The following UNC5D variants were observed in gnomAD, a reference collection of about 807,000 sequenced individuals.
UNC5D encodes netrin receptor UNC5D.
UNC5D carries 39 observed loss-of-function variants against 105.4 expected under a neutral mutation model. The ratio of observed to expected loss-of-function variants is 0.37; its 90% CI spans 0.29 to 0.48. UNC5D has a LOEUF of 0.48. Among genes scored for constraint, UNC5D ranks in the 20% least tolerant of loss-of-function variants. The probability of loss-of-function intolerance (pLI) is 0.98; values close to 1 mark genes in which losing one functional copy is unlikely to be tolerated. For missense variants in UNC5D, 991 were observed against 1,202.4 expected (o/e 0.82, Z 2.60); for synonymous variants, 452 against 450.4 (o/e 1.00, Z -0.04).
At chr8:35,555,609 C>T (rs554114316) in intron 2 of UNC5D, among the ~76,000 whole-genome samples, 98 of 152,030 alleles carry the variant, frequency 6.4e-4, no homozygotes, top group African/African-American at 2.2e-3. Flanking sequence ...AGGCAGATCA[C>T]AAGGTCAAGA....
At chr8:35,263,542 A>C (rs1804630652) in intron 1 of UNC5D, among the ~76,000 whole-genome samples, 1 of 152,194 alleles carries the variant, frequency 6.6e-6, no homozygotes, top group Non-Finnish European at 1.5e-5. Flanking sequence ...CTACAGGCTC[A>C]TGCCACTGCA....
At chr8:35,286,030 C>T (rs1243479341) in intron 1 of UNC5D, among the ~76,000 whole-genome samples, 1 of 151,930 alleles carries the variant, frequency 6.6e-6, no homozygotes, top group African/African-American at 2.4e-5. Flanking sequence ...TTATGAGGCC[C>T]CAAAGTTTTA....
At chr8:35,464,809 A>G (rs1003165312) in intron 1 of UNC5D, among the ~76,000 whole-genome samples, 4 of 152,214 alleles carry the variant, frequency 2.6e-5, no homozygotes, top group African/African-American at 9.6e-5. Context: ...GTGTTCCCAC[A>G]CATAACAGCA....
intron 3 of UNC5D, among the ~76,000 whole-genome samples, chr8:35,585,269 C>G (rs1818710428): frequency 6.6e-6 from 1 of 152,296 alleles, no homozygotes; most frequent in Non-Finnish European, 1.5e-5. Flanking sequence ...GTCCTAGAAA[C>G]AGCCTTGAGG....
At chr8:35,390,002 G>A (rs751984488) in intron 1 of UNC5D, among the ~76,000 whole-genome samples, 8 of 152,306 alleles carry the variant, frequency 5.3e-5, no homozygotes, top group East Asian at 3.9e-4. Flanking sequence ...GCTTTAATTC[G>A]CTCTTGGTTC....
chr8:35,304,787 G>A (rs1808215875), intron 1 of UNC5D, among the ~76,000 whole-genome samples: 1 of 152,078 alleles, frequency 6.6e-6, no homozygotes, highest in African/African-American at 2.4e-5. Flanking sequence ...GACCTATTGG[G>A]TTTGCTCTAT....
intron 1 of UNC5D, among the ~76,000 whole-genome samples, chr8:35,409,248 G>C (rs916699998): frequency 1.4e-4 from 22 of 151,922 alleles, no homozygotes; most frequent in Middle Eastern, 3.2e-3. Context: ...TCATTTTTCT[G>C]GGGTAAATAT....
chr8:35,599,002 G>T (rs1819657548), intron 4 of UNC5D, among the ~76,000 whole-genome samples: 1 of 151,944 alleles, frequency 6.6e-6, no homozygotes, highest in African/African-American at 2.4e-5. Context: ...AATTAGCCGG[G>T]TGTGGTGGCG....
At chr8:35,650,979 G>A (rs1040956011) in intron 4 of UNC5D, among the ~76,000 whole-genome samples, 1 of 152,132 alleles carries the variant, frequency 6.6e-6, no homozygotes, top group Non-Finnish European at 1.5e-5. Context: ...CAGATGTTTG[G>A]ATCTGTGGTC....
intron 1 of UNC5D, among the ~76,000 whole-genome samples, chr8:35,253,627 C>T (rs1406001878): frequency 2.6e-5 from 4 of 152,004 alleles, no homozygotes; most frequent in East Asian, 1.9e-4. Context: ...GCTGGGACTA[C>T]AGGCATGTGC....
chr8:35,713,826 G>GA (rs1259315299), intron 8 of UNC5D, among the ~76,000 whole-genome samples: 1 of 152,152 alleles, frequency 6.6e-6, no homozygotes, highest in African/African-American at 2.4e-5. Flanking sequence ...TGGTCTACTT[G>GA]AAAAAAATAA....
chr8:35,603,760 GTTC>G (rs1820062088), intron 4 of UNC5D, among the ~76,000 whole-genome samples: 1 of 152,010 alleles, frequency 6.6e-6, no homozygotes, highest in Non-Finnish European at 1.5e-5. Flanking sequence ...AGGATAGTTA[GTTC>G]TTCTTGTTGA....
Position 35,639,596 on chromosome 8 carries a change from A to G in UNC5D, c.570+43939A>G, listed in dbSNP as rs1043681499. On this transcript the variant is annotated intron_variant, in intron 4 of 16. Transcript: ENST00000404895. ...TTAATATGGGAAACAGATAATTACT[A>G]ATATCTGAAAGCCAATTAATAACTA... Among the ~76,000 whole-genome samples, 3 of 152,180 alleles carry G rather than the reference A, an allele frequency of 2.0e-5. No individual in the cohort carries two copies. In the South Asian group the frequency reaches 6.2e-4, roughly 31 times the overall value.
intron 1 of UNC5D, among the ~76,000 whole-genome samples, chr8:35,470,481 T>C (rs989966401): frequency 6.6e-6 from 1 of 151,520 alleles, no homozygotes; most frequent in Non-Finnish European, 1.5e-5. Context: ...ATAGGCCAGG[T>C]GTGCTGACTC....
intron 1 of UNC5D, among the ~76,000 whole-genome samples, chr8:35,257,847 G>A (rs1445049879): frequency 2.0e-5 from 3 of 152,134 alleles, no homozygotes; most frequent in Non-Finnish European, 2.9e-5. Flanking sequence ...ATTGCAGAGA[G>A]GAAAATAAAA....
chr8:35,387,857 G>T (rs1372794353), intron 1 of UNC5D, among the ~76,000 whole-genome samples: 2 of 152,104 alleles, frequency 1.3e-5, no homozygotes, highest in Admixed American at 1.3e-4. Flanking sequence ...AAATCATTTG[G>T]GAAGAGTCTA....
At chr8:35,622,212 CA>C in intron 4 of UNC5D, among the ~76,000 whole-genome samples, 1 of 152,192 alleles carries the variant, frequency 6.6e-6, no homozygotes, top group South Asian at 2.1e-4. Context: ...CGTGGTGGTG[CA>C]CACCTTTAGT....
chr8:35,702,529 G>A (rs1313207441), intron 7 of UNC5D, among the ~76,000 whole-genome samples: 1 of 152,004 alleles, frequency 6.6e-6, no homozygotes. Context: ...GGCCTTTGGA[G>A]AGAGGTAAAA....
chr8:35,396,903 T>C (rs1363926797), intron 1 of UNC5D, among the ~76,000 whole-genome samples: 2 of 151,856 alleles, frequency 1.3e-5, no homozygotes, highest in South Asian at 2.1e-4. Context: ...TTTTGTTTGT[T>C]TGGTTTGTTT....
Sources: gnomAD v4.1 joint callset for allele counts (sites outside exome capture counted in the v4.1 genomes callset) on GRCh38, gnomAD v4.1.1 for gene constraint, MANE v1.5 for transcripts, NCBI Gene and HGNC (gene_info 2026-07-23, HGNC 2026-07-21) for gene names.